BUB1B: variants seen among roughly 807,000 people sequenced by gnomAD.
BUB1B encodes mitotic checkpoint serine/threonine-protein kinase BUB1 beta.
BUB1B carries 86 observed loss-of-function variants against 137.7 expected under a neutral mutation model. The ratio of observed to expected loss-of-function variants is 0.62; its 90% CI spans 0.52 to 0.75. BUB1B has a LOEUF of 0.75. BUB1B is among the 30% of genes least tolerant of loss of function. The pLI is 0.00. For synonymous variants in BUB1B, 420 were observed against 417.9 expected, an observed-to-expected ratio of 1.00 and a Z score of -0.06; for missense variants, 1,130 against 1,236.9, an observed-to-expected ratio of 0.91 and a Z score of 1.30.
intron 2 of BUB1B, among the ~76,000 whole-genome samples, chr15:40,168,637 C>G (rs1032171767): frequency 6.6e-6 from 1 of 152,072 alleles, no homozygotes; most frequent in Non-Finnish European, 1.5e-5. Flanking sequence ...TTAAGATGCC[C>G]TCCAATTAAA....
Position 40,165,093 on chromosome 15 carries a change from A to C in BUB1B, c.76A>C (p.Lys26Gln). 6.2e-7 allele frequency: 1 copy of C among 1,614,216 alleles called. No homozygotes were observed. Among genetic ancestry groups the C allele is most frequent in the Non-Finnish European group, 8.5e-7 (1 of 1,180,048 alleles). ...GGAGGGAGATGAATGGGAACTGAGT[A>C]AAGAAAATGTACAACCTTTAAGGCA... ...SLEGDEWELS[K>Q]ENVQPLRQGR... The change falls in exon 2 of 23, where the codon AAA becomes CAA. Residue 26 changes from lysine (K) to glutamine (Q), a missense_variant. Lys to Gln is a moderately conservative substitution (Grantham distance 53). Transcript: ENST00000287598.
rs758774329 is a variant in BUB1B, at chr15:40,212,647, A to T, written c.2534A>T (p.Gln845Leu). The T allele has an allele frequency of 6.2e-7, 1 of 1,612,686 alleles. No individual in the cohort carries two copies. Among genetic ancestry groups the T allele is most frequent in the Non-Finnish European group, 8.5e-7 (1 of 1,179,442 alleles). ...CAATATATAAACTGCTTCACCCTTC[A>T]GGTCTGTAATACTAAAAACATAATT... ...WHQYINCFTL[Q>L]DLLQHSEYIT... Residue 845 changes from glutamine (Q) to leucine (L), a missense_variant and splice_region_variant, in exon 19 of 23, where the codon CAG (glutamine) becomes CTG (leucine). Coordinates refer to ENST00000287598, the MANE Select transcript of BUB1B (RefSeq NM_001211.6).
intron 1 of BUB1B, 60 bp downstream of exon 1, chr15:40,161,315 T>C (rs1235816237): frequency 1.3e-6 from 2 of 1,573,198 alleles, no homozygotes; most frequent in East Asian, 2.3e-5. Flanking sequence ...TGGTAGGTAA[T>C]AGAAGGCTCC....
At chr15:40,186,188 A>T (rs1185553946) in intron 8 of BUB1B, among the ~76,000 whole-genome samples, 1 of 152,136 alleles carries the variant, frequency 6.6e-6, no homozygotes, top group Non-Finnish European at 1.5e-5. Context: ...GATTTGTCTG[A>T]TGGGATAATG....
chr15:40,203,549 C>A (rs2037601272), intron 14 of BUB1B, among the ~76,000 whole-genome samples: 1 of 152,158 alleles, frequency 6.6e-6, no homozygotes, highest in Non-Finnish European at 1.5e-5. Context: ...TGAATTATAT[C>A]TCAATTTTTA....
intron 2 of BUB1B, among the ~76,000 whole-genome samples, chr15:40,168,072 A>G (rs1398545464): frequency 6.8e-6 from 1 of 147,410 alleles, no homozygotes; most frequent in Non-Finnish European, 1.5e-5. Flanking sequence ...CTGAAAAAGA[A>G]AAAAAAAAAA....
chr15:40,163,113 C>T (rs1319751638), intron 1 of BUB1B, among the ~76,000 whole-genome samples: 1 of 152,156 alleles, frequency 6.6e-6, no homozygotes, highest in East Asian at 1.9e-4. Context: ...TAAATGATCC[C>T]AGTCTGAATG....
intron 20 of BUB1B, among the ~76,000 whole-genome samples, chr15:40,216,302 G>A (rs993665669): frequency 1.3e-5 from 2 of 151,892 alleles, no homozygotes; most frequent in African/African-American, 4.8e-5. Flanking sequence ...GCCAGGCATG[G>A]TGGCACACAC....
chr15:40,194,375 A>G (rs1415675610), intron 8 of BUB1B, among the ~76,000 whole-genome samples: 1 of 152,184 alleles, frequency 6.6e-6, no homozygotes, highest in South Asian at 2.1e-4. Flanking sequence ...ACAGTGTTGT[A>G]TAGAAGTGAC....
At position 40,176,496 on chromosome 15, in the gene BUB1B, CT is replaced by C; in HGVS notation, c.407del (p.Leu136TrpfsTer51). 1.2e-6 allele frequency: 2 copies of C among 1,614,106 alleles called. No individual in the cohort carries two copies. The highest frequency in any genetic ancestry group is 1.7e-6 in the Non-Finnish European group (2 of 1,180,008). Reference protein sequence around the residue: ...WLKLGRLCNEPLDMYSYLHNQ... With the variant: ...WLKLGRLCNEXLDMYSYLHNQ... ...TTACAGGGGCGTTTATGCAATGAGC[CT>C]TTGGATATGTACAGTTACTTGCACA... On this transcript the variant is annotated frameshift_variant, in exon 5 of 23. Transcript: ENST00000287598. LOFTEE classifies it high-confidence loss of function.
intron 6 of BUB1B, among the ~76,000 whole-genome samples, chr15:40,184,362 T>G (rs1334049917): frequency 6.6e-6 from 1 of 151,844 alleles, no homozygotes; most frequent in Non-Finnish European, 1.5e-5. Context: ...TGAAACGTGG[T>G]AGTGCAATCA....
intron 14 of BUB1B, 150 bp downstream of exon 14, chr15:40,202,844 T>G (rs2037592017): frequency 6.8e-6 from 5 of 737,310 alleles, no homozygotes; most frequent in Non-Finnish European, 1.2e-5. Flanking sequence ...GAAATGCAAA[T>G]CAAAACCACA....
intron 8 of BUB1B, among the ~76,000 whole-genome samples, chr15:40,193,222 G>A (rs1201789260): frequency 6.6e-6 from 1 of 152,050 alleles, no homozygotes; most frequent in Non-Finnish European, 1.5e-5. Flanking sequence ...TAGCCTTGTA[G>A]GAAAGTGCCA....
chr15:40,219,031 C>G (rs1182297745), intron 22 of BUB1B, among the ~76,000 whole-genome samples: 1 of 152,166 alleles, frequency 6.6e-6, no homozygotes, highest in Non-Finnish European at 1.5e-5. Context: ...CCTGCTTCAG[C>G]CTCCTGAGTA....
chr15:40,211,856 CTT>C (rs928610387), intron 18 of BUB1B, among the ~76,000 whole-genome samples: 5 of 151,230 alleles, frequency 3.3e-5, no homozygotes, highest in African/African-American at 1.2e-4. Flanking sequence ...GAGTTTTGCT[CTT>C]GTCACCCTGG....
chr15:40,217,614 G>A lies in BUB1B; in HGVS notation c.2797G>A (p.Val933Ile). Reference sequence around the variant, plus strand: ...TTTTACCCTCAGCGGCTTTCGGACTGTACAGATCCTGGAAGGACAAAAGAT... The same window carrying A: ...TTTTACCCTCAGCGGCTTTCGGACTATACAGATCCTGGAAGGACAAAAGAT... ...DVFTLSGFRT[V>I]QILEGQKILA... The change falls in exon 21 of 23, where the codon GTA becomes ATA. Residue 933 changes from valine to isoleucine, a missense_variant. Val to Ile is a conservative substitution (Grantham distance 29, BLOSUM62 3). Transcript: ENST00000287598. 2 of 1,614,124 alleles carry A rather than the reference G, an allele frequency of 1.2e-6. No individual in the cohort carries two copies. Among genetic ancestry groups the A allele is most frequent in the Non-Finnish European group, 1.7e-6 (2 of 1,180,022 alleles).
chr15:40,176,668 G>A lies in BUB1B; in HGVS notation c.576G>A (p.Gln192=), dbSNP rs761648006. ...KAEPLERLQS[Q]HRQFQARVSR... ...AACCACTAGAAAGACTACAGTCCCA[G>A]CACCGGTAAACTTTCTTTGGAGCTT... is the stretch of plus-strand genomic sequence containing the variant. The change falls in exon 5 of 23, where the codon CAG becomes CAA. Residue 192 remains glutamine, a synonymous_variant. Coordinates refer to ENST00000287598, the MANE Select transcript of BUB1B (RefSeq NM_001211.6). 1.2e-5 allele frequency: 19 copies of A among 1,613,926 alleles called. No homozygotes were observed. In the Admixed American group the frequency reaches 2.3e-4, roughly 20 times the overall value.
intron 2 of BUB1B, among the ~76,000 whole-genome samples, chr15:40,167,070 T>C (rs1052806013): frequency 6.6e-6 from 1 of 152,016 alleles, no homozygotes; most frequent in Non-Finnish European, 1.5e-5. Context: ...TCCCTGAATC[T>C]ATGCTCCTCA....
chr15:40,212,055 G>C (rs2037720144), intron 18 of BUB1B, among the ~76,000 whole-genome samples: 2 of 152,162 alleles, frequency 1.3e-5, no homozygotes. Context: ...GGCTGGTCTT[G>C]AACCCCTGAT....
Sources: gnomAD v4.1 joint callset for allele counts (sites outside exome capture counted in the v4.1 genomes callset) on GRCh38, gnomAD v4.1.1 for gene constraint, MANE v1.5 for transcripts, NCBI Gene and HGNC (gene_info 2026-07-23, HGNC 2026-07-21) for gene names.